BMPR1B: variants seen among roughly 807,000 people sequenced by gnomAD.
BMPR1B encodes the protein bone morphogenetic protein receptor type 1B.
A neutral mutation model predicts 59.1 loss-of-function variants in BMPR1B; 12 were observed. The ratio of observed to expected loss-of-function variants is 0.20; its 90% CI spans 0.13 to 0.33. The LOEUF (loss-of-function observed/expected upper bound fraction) is 0.33, where lower values mean the gene tolerates loss of function less well. Ranked by LOEUF, BMPR1B falls within the 10% of genes least tolerant of loss-of-function variation. The pLI is 1.00. For missense variants in BMPR1B, 550 were observed against 610.9 expected, an observed-to-expected ratio of 0.90 and a Z score of 1.05; for synonymous variants, 237 against 207.3, an observed-to-expected ratio of 1.14 and a Z score of -1.23.
At chr4:94,988,297 T>A (rs1721536409) in intron 2 of BMPR1B, among the ~76,000 whole-genome samples, 1 of 152,022 alleles carries the variant, frequency 6.6e-6, no homozygotes, top group Non-Finnish European at 1.5e-5. Flanking sequence ...TGATGAGAAA[T>A]CAGTGAAGTT....
rs1001422646 is a variant in BMPR1B at position 94,841,022 on chromosome 4, G to A, written c.-182-34809G>A. Among the ~76,000 whole-genome samples the A allele has an allele frequency of 4.1e-5, 6 of 147,352 alleles. 2 individuals carry two copies. Among genetic ancestry groups the A allele is most frequent in the South Asian group, 4.4e-4 (2 of 4,556 alleles). ...TGCAGGTCTGTTGGAGTACCCTGCC[G>A]TGTGAGGTGTCAGTGTGCCCCTGCT... On this transcript the variant is annotated intron_variant, in intron 1 of 12. Coordinates refer to ENST00000515059, the MANE Select transcript of BMPR1B (RefSeq NM_001203.3).
chr4:94,934,471 T>C (rs917620808), intron 2 of BMPR1B, among the ~76,000 whole-genome samples: 4 of 150,290 alleles, frequency 2.7e-5, no homozygotes, highest in Admixed American at 1.3e-4. Flanking sequence ...TTTTTTTTTT[T>C]CTCCTCCTTC....
At chr4:94,887,248 A>T (rs1727206512) in intron 2 of BMPR1B, among the ~76,000 whole-genome samples, 1 of 145,666 alleles carries the variant, frequency 6.9e-6, no homozygotes, top group Non-Finnish European at 1.5e-5. Flanking sequence ...AAAAAAAAAA[A>T]GGTGCCTTTA....
intron 3 of BMPR1B, among the ~76,000 whole-genome samples, chr4:95,045,277 T>C (rs1725957726): frequency 6.6e-6 from 1 of 152,244 alleles, no homozygotes; most frequent in African/African-American, 2.4e-5. Flanking sequence ...TCCAAAACTT[T>C]ATTAGTTTCC....
intron 4 of BMPR1B, among the ~76,000 whole-genome samples, chr4:95,113,804 A>G (rs1245395858): frequency 3.3e-5 from 5 of 152,166 alleles, no homozygotes; most frequent in African/African-American, 1.2e-4. Context: ...GCCCAGTTCC[A>G]TAACTGTTTG....
chr4:95,119,787 C>T (rs1257205844), intron 6 of BMPR1B, among the ~76,000 whole-genome samples: 1 of 152,132 alleles, frequency 6.6e-6, no homozygotes, highest in Non-Finnish European at 1.5e-5. Flanking sequence ...ATATTTTAGA[C>T]TGATGAGTAA....
chr4:95,101,365 G>A (rs1167668509), intron 3 of BMPR1B, among the ~76,000 whole-genome samples: 2 of 152,240 alleles, frequency 1.3e-5, no homozygotes, highest in East Asian at 3.9e-4. Flanking sequence ...TGATATGTGT[G>A]TTGCTTTTAC....
intron 2 of BMPR1B, among the ~76,000 whole-genome samples, chr4:94,932,982 T>A (rs1388401079): frequency 1.3e-5 from 2 of 152,118 alleles, no homozygotes; most frequent in African/African-American, 4.8e-5. Context: ...ATTGTAAAAG[T>A]AATATGTGTG....
At chr4:94,987,298 C>A (rs1721483393) in intron 2 of BMPR1B, among the ~76,000 whole-genome samples, 1 of 144,980 alleles carries the variant, frequency 6.9e-6, no homozygotes, top group African/African-American at 2.6e-5. Context: ...AATGATATTC[C>A]TGAGCTTTGC....
intron 2 of BMPR1B, among the ~76,000 whole-genome samples, chr4:94,895,190 T>C (rs1407033725): frequency 6.6e-6 from 1 of 152,000 alleles, no homozygotes; most frequent in Non-Finnish European, 1.5e-5. Flanking sequence ...AATGTGTTTG[T>C]TCTTGAAAGA....
intron 3 of BMPR1B, among the ~76,000 whole-genome samples, chr4:95,023,721 G>A (rs1578945240): frequency 1.3e-5 from 2 of 152,126 alleles, no homozygotes; most frequent in African/African-American, 4.8e-5. Context: ...ATGCATTTGT[G>A]TAACAGATTT....
intron 1 of BMPR1B, among the ~76,000 whole-genome samples, chr4:94,785,186 T>C (rs925283): frequency 0.32 from 48,838 of 152,058 alleles, 8,494 homozygotes; most frequent in African/African-American, 0.46. Flanking sequence ...GTTGTTTTCC[T>C]TCCTGTCCTG....
chr4:95,064,786 C>G (rs1160115961), intron 3 of BMPR1B, among the ~76,000 whole-genome samples: 2 of 152,122 alleles, frequency 1.3e-5, no homozygotes, highest in African/African-American at 4.8e-5. Context: ...AAAAAATGCT[C>G]AGCATCCTGT....
chr4:95,005,471 C>T (rs1462320288), intron 3 of BMPR1B, among the ~76,000 whole-genome samples: 10 of 152,128 alleles, frequency 6.6e-5, no homozygotes, highest in African/African-American at 2.4e-4. Context: ...GTTCAACAAA[C>T]AGGCTGACGT....
At chr4:95,011,358 T>C (rs1004325744) in intron 3 of BMPR1B, among the ~76,000 whole-genome samples, 1 of 152,184 alleles carries the variant, frequency 6.6e-6, no homozygotes, top group Non-Finnish European at 1.5e-5. Context: ...TTGCTAAGAA[T>C]AGTAGCCAGA....
At chr4:95,031,749 G>A (rs1025821651) in intron 3 of BMPR1B, among the ~76,000 whole-genome samples, 4 of 151,906 alleles carry the variant, frequency 2.6e-5, no homozygotes, top group Non-Finnish European at 5.9e-5. Flanking sequence ...TGAACAAAGG[G>A]GTTTAAAAAA....
At position 94,807,058 on chromosome 4, in the gene BMPR1B, A is replaced by T. The variant is rs530915180; in HGVS notation, c.-183+48990A>T. 2.6e-5 allele frequency among the ~76,000 whole-genome samples: 4 copies of T among 152,254 alleles called. No individual in the cohort carries two copies. The East Asian group carries it at 5.8e-4, about 22-fold the overall frequency. On this transcript the variant is annotated intron_variant, in intron 1 of 12. Coordinates refer to ENST00000515059, the MANE Select transcript of BMPR1B (RefSeq NM_001203.3). ...GTATTAAAATAATCAGATTTGATAT[A>T]AAAAATTGGTATAATTTTTATTATA...
chr4:95,023,008 A>G (rs1724102368), intron 3 of BMPR1B, among the ~76,000 whole-genome samples: 1 of 152,114 alleles, frequency 6.6e-6, no homozygotes, highest in African/African-American at 2.4e-5. Flanking sequence ...CAGAGGGAAA[A>G]CTTCAGATGG....
At chr4:95,108,198 A>G (rs1036151033) in intron 4 of BMPR1B, among the ~76,000 whole-genome samples, 4 of 152,078 alleles carry the variant, frequency 2.6e-5, no homozygotes, top group African/African-American at 7.2e-5. Flanking sequence ...ACAAGTTTTC[A>G]TTTTTAAATT....
Sources: allele counts gnomAD v4.1 joint callset (sites outside exome capture counted in the v4.1 genomes callset), GRCh38; gene constraint gnomAD v4.1.1; transcripts MANE v1.5; gene names NCBI Gene and HGNC (gene_info 2026-07-23, HGNC 2026-07-21).